FAM133B: variants seen among roughly 807,000 people sequenced by gnomAD.
The protein encoded by FAM133B is family with sequence similarity 133 member B.
A neutral mutation model predicts 46.4 loss-of-function variants in FAM133B; 25 were observed. That is an observed-to-expected ratio of 0.54 (90% CI 0.39 to 0.75). FAM133B has a LOEUF of 0.75. Among genes scored for constraint, FAM133B ranks in the 30% least tolerant of loss-of-function variants. The pLI, the probability that FAM133B is intolerant of heterozygous loss-of-function variation, is 0.00. For synonymous variants in FAM133B, 75 were observed against 86.0 expected (o/e 0.87, Z 0.71); for missense variants, 205 against 277.6 (o/e 0.74, Z 1.86).
intron 1 of FAM133B, among the ~76,000 whole-genome samples, chr7:92,584,525 T>C (rs1483937247): frequency 6.6e-6 from 1 of 152,122 alleles, no homozygotes; most frequent in African/African-American, 2.4e-5. Flanking sequence ...AAAAGATAAA[T>C]CTTTGACATA....
chr7:92,584,295 G>A (rs759713470), intron 1 of FAM133B, among the ~76,000 whole-genome samples: 4 of 151,972 alleles, frequency 2.6e-5, no homozygotes, highest in Non-Finnish European at 5.9e-5. Flanking sequence ...GGTTTAAGGT[G>A]TTATACCTTG....
chr7:92,578,685 G>A (rs142288309), intron 3 of FAM133B, among the ~76,000 whole-genome samples: 20 of 152,252 alleles, frequency 1.3e-4, no homozygotes, highest in African/African-American at 4.3e-4. Context: ...TAGATTCTCC[G>A]TCTAGGCTGT....
At chr7:92,586,032 T>C (rs1479471955) in intron 1 of FAM133B, among the ~76,000 whole-genome samples, 1 of 152,206 alleles carries the variant, frequency 6.6e-6, no homozygotes, top group East Asian at 1.9e-4. Flanking sequence ...TTAAAGTACA[T>C]TAATATTTTT....
chr7:92,581,840 A>T (rs546917184), intron 1 of FAM133B: 41 of 410,778 alleles, frequency 1.0e-4, no homozygotes, highest in Non-Finnish European at 1.5e-4. Context: ...GTGTTTTACA[A>T]GAGATTTGAT....
At chr7:92,590,194 G>C (rs1218194972) in intron 1 of FAM133B, 74 bp downstream of exon 1, 1 of 1,610,662 alleles carries the variant, frequency 6.2e-7, no homozygotes, top group African/African-American at 1.3e-5. Context: ...GGCCCGGCCG[G>C]GAACAGCGAG....
At chr7:92,566,869 C>T (rs182964621) in intron 9 of FAM133B, among the ~76,000 whole-genome samples, 13 of 152,290 alleles carry the variant, frequency 8.5e-5, no homozygotes, top group Admixed American at 7.8e-4. Flanking sequence ...GAATTATCAT[C>T]CCATTTATAT....
chr7:92,578,567 G>A (rs1352639050), intron 3 of FAM133B, among the ~76,000 whole-genome samples, 174 bp from the exon 4 acceptor site: 2 of 152,098 alleles, frequency 1.3e-5, no homozygotes, highest in Non-Finnish European at 2.9e-5. Context: ...ATCACCAAAG[G>A]ACCCTCTACT....
At chr7:92,574,829 C>T (rs930064177) in intron 8 of FAM133B, among the ~76,000 whole-genome samples, 16 of 150,620 alleles carry the variant, frequency 1.1e-4, no homozygotes, top group East Asian at 2.0e-4. Flanking sequence ...GGCATGAACC[C>T]GGGAAGCGGA....
chr7:92,588,538 C>G (rs1795098313), intron 1 of FAM133B, among the ~76,000 whole-genome samples: 1 of 152,184 alleles, frequency 6.6e-6, no homozygotes, highest in African/African-American at 2.4e-5. Context: ...ATCTTGTAAT[C>G]AAGATTCACT....
chr7:92,582,188 G>A (rs1271860607), intron 1 of FAM133B, among the ~76,000 whole-genome samples: 1 of 152,198 alleles, frequency 6.6e-6, no homozygotes, highest in Non-Finnish European at 1.5e-5. Context: ...GGTAGAGGTT[G>A]CAGTGAGCTG....
intron 3 of FAM133B, among the ~76,000 whole-genome samples, chr7:92,578,952 A>C (rs1794783534): frequency 6.6e-6 from 1 of 152,112 alleles, no homozygotes; most frequent in African/African-American, 2.4e-5. Context: ...AGGAGGCTGA[A>C]GTAGGAGGAC....
At position 92,590,125 on chromosome 7, in the gene FAM133B, G is replaced by A. The variant is rs1585321575; in HGVS notation, c.24+143C>T. On this transcript the variant is annotated intron_variant, in intron 1 of 10. Coordinates refer to ENST00000445716, the MANE Select transcript of FAM133B (RefSeq NM_152789.4). ...GCGTGCGCGGCGCACGCGCATCTGGGATCGGCGGAGGGTGCTGGGTCTCCA... is the reference window on the plus strand; with the variant it reads ...GCGTGCGCGGCGCACGCGCATCTGGAATCGGCGGAGGGTGCTGGGTCTCCA... The A allele has an allele frequency of 2.4e-6, 3 of 1,235,668 alleles. No homozygotes were observed. In the East Asian group the frequency reaches 7.5e-5, roughly 31 times the overall value. The allele number at this position is 1,235,668 out of a possible 1,614,324, so 76.5% of individuals were successfully genotyped here.
intron 9 of FAM133B, among the ~76,000 whole-genome samples, chr7:92,569,325 C>T (rs1794459719): frequency 5.3e-5 from 8 of 152,146 alleles, no homozygotes; most frequent in Admixed American, 4.6e-4. Flanking sequence ...CAATGCCTTT[C>T]GTAATTTATC....
chr7:92,579,236 C>T (rs1794793982), intron 3 of FAM133B, 81 bp downstream of exon 3: 1 of 1,283,978 alleles, frequency 7.8e-7, no homozygotes, highest in Non-Finnish European at 1.1e-6. Flanking sequence ...GTTTCGGCCT[C>T]CCAAAGTGCT....
At chr7:92,586,099 A>G (rs1795030095) in intron 1 of FAM133B, among the ~76,000 whole-genome samples, 1 of 152,196 alleles carries the variant, frequency 6.6e-6, no homozygotes, top group South Asian at 2.1e-4. Context: ...ACCTATTCCT[A>G]CTTTTCAGAG....
chr7:92,590,171 C>A (rs1795158579), intron 1 of FAM133B, 97 bp downstream of exon 1: 29 of 1,589,898 alleles, frequency 1.8e-5, no homozygotes, highest in Non-Finnish European at 2.2e-5. Context: ...CTGAGGGCTG[C>A]CGCTTGCCCT....
intron 1 of FAM133B, chr7:92,581,806 G>C (rs1794883674): frequency 5.4e-6 from 2 of 368,640 alleles, no homozygotes; most frequent in South Asian, 3.1e-5. Flanking sequence ...GTGTGTGTGT[G>C]TGTGTGTGTG....
intron 1 of FAM133B, chr7:92,585,397 C>T (rs1795011055): frequency 2.0e-6 from 2 of 979,282 alleles, no homozygotes; most frequent in Non-Finnish European, 2.4e-6. Flanking sequence ...TTGGCAGTAC[C>T]TAATGGCAAA....
chr7:92,588,680 G>T (rs1028425724), intron 1 of FAM133B, among the ~76,000 whole-genome samples: 3 of 152,166 alleles, frequency 2.0e-5, no homozygotes, highest in African/African-American at 4.8e-5. Context: ...AATGTTGGAG[G>T]TGGGGCCTGG....
Sources: allele counts gnomAD v4.1 joint callset (sites outside exome capture counted in the v4.1 genomes callset), GRCh38; gene constraint gnomAD v4.1.1; transcripts MANE v1.5; gene names NCBI Gene and HGNC (gene_info 2026-07-23, HGNC 2026-07-21).